RSPO2: variants seen among roughly 807,000 people sequenced by gnomAD.
RSPO2 encodes the protein R-spondin-2.
Under a neutral mutation model 30.9 loss-of-function variants are expected in RSPO2, and 14 were observed. That is an observed-to-expected ratio of 0.45 (90% confidence interval 0.30 to 0.71). The LOEUF (loss-of-function observed/expected upper bound fraction) is 0.71, where lower values mean the gene tolerates loss of function less well. RSPO2 is among the 30% of genes least tolerant of loss of function. RSPO2 has a pLI of 0.08. For synonymous variants in RSPO2, 107 were observed against 96.4 expected (o/e 1.11, Z -0.64); for missense variants, 264 against 301.9 (o/e 0.87, Z 0.93).
intron 5 of RSPO2, among the ~76,000 whole-genome samples, chr8:107,922,588 A>C (rs1269223921): frequency 6.6e-6 from 1 of 152,140 alleles, no homozygotes; most frequent in Non-Finnish European, 1.5e-5. Context: ...GAACTAGAAA[A>C]AACTATTTTA....
intron 2 of RSPO2, among the ~76,000 whole-genome samples, chr8:108,025,286 AG>A: frequency 6.6e-6 from 1 of 152,264 alleles, no homozygotes; most frequent in East Asian, 1.9e-4. Flanking sequence ...TTCCAAGGCT[AG>A]GGAAGAGAAT....
At chr8:108,039,677 G>A (rs912128131) in intron 2 of RSPO2, among the ~76,000 whole-genome samples, 3 of 152,094 alleles carry the variant, frequency 2.0e-5, no homozygotes, top group African/African-American at 7.2e-5. Flanking sequence ...ACTCTAGGCT[G>A]GCCTCAACTC....
Position 107,900,852 on chromosome 8 carries a change from G to C in RSPO2, c.*223C>G, listed in dbSNP as rs1372453517. ...ATTCTCTCAGCACACACTGAGCCAA[G>C]TCACGGGCTGTGCACTTACTCCTGC... On this transcript the variant is annotated 3_prime_UTR_variant, in exon 6 of 6. Transcript: ENST00000276659. 2.2e-6 allele frequency: 1 copy of C among 461,730 alleles called. No homozygotes were observed. Among genetic ancestry groups the C allele is most frequent in the Non-Finnish European group, 3.8e-6 (1 of 261,512 alleles). 28.6% of individuals were successfully genotyped at this position (461,730 alleles called of 1,614,324 possible).
intron 2 of RSPO2, among the ~76,000 whole-genome samples, chr8:107,991,249 AACACACACACACACACACACAC>A (rs60247229): frequency 7.5e-6 from 1 of 133,394 alleles, no homozygotes; most frequent in South Asian, 2.5e-4. Flanking sequence ...CTCCATCTCA[AACACACACACACACACACACAC>A]ACACACACAC....
chr8:107,942,761 G>T (rs986476345), intron 5 of RSPO2, among the ~76,000 whole-genome samples: 1 of 152,012 alleles, frequency 6.6e-6, no homozygotes, highest in African/African-American at 2.4e-5. Context: ...TGTTATTGTT[G>T]TTAAAAGGAA....
chr8:108,040,512 G>A (rs1047440531), intron 2 of RSPO2, among the ~76,000 whole-genome samples: 7 of 152,076 alleles, frequency 4.6e-5, no homozygotes, highest in Non-Finnish European at 1.0e-4. Flanking sequence ...GTAAATCCCC[G>A]ATGGTCTCAG....
chr8:108,025,709 A>G (rs1488356140), intron 2 of RSPO2, among the ~76,000 whole-genome samples: 5 of 151,960 alleles, frequency 3.3e-5, no homozygotes, highest in Non-Finnish European at 7.4e-5. Flanking sequence ...TTTTAAAGAA[A>G]GAGGATCTTA....
intron 2 of RSPO2, among the ~76,000 whole-genome samples, chr8:108,057,536 C>A (rs75281416): frequency 0.011 from 1,616 of 152,204 alleles, 15 homozygotes; most frequent in Non-Finnish European, 0.018. Flanking sequence ...AAGACAAACA[C>A]CTAAATGTCT....
At chr8:107,944,001 G>T (rs1451109967) in intron 5 of RSPO2, among the ~76,000 whole-genome samples, 3 of 152,020 alleles carry the variant, frequency 2.0e-5, no homozygotes, top group African/African-American at 7.2e-5. Context: ...TTATTTAGAG[G>T]TTCATTTCTT....
chr8:107,934,699 C>A (rs186745903), intron 5 of RSPO2, among the ~76,000 whole-genome samples: 1 of 152,126 alleles, frequency 6.6e-6, no homozygotes, highest in African/African-American at 2.4e-5. Context: ...AGACCCCAAA[C>A]GGAGGGACCA....
At chr8:108,058,332 C>T (rs1365676933) in intron 2 of RSPO2, among the ~76,000 whole-genome samples, 2 of 152,054 alleles carry the variant, frequency 1.3e-5, no homozygotes, top group African/African-American at 4.8e-5. Flanking sequence ...CAAACCACTG[C>T]TCAATGAAAT....
At chr8:107,901,511 A>T (rs537859264) in intron 5 of RSPO2, among the ~76,000 whole-genome samples, 1 of 152,264 alleles carries the variant, frequency 6.6e-6, no homozygotes, top group South Asian at 2.1e-4. Flanking sequence ...TAACAATGCT[A>T]CCCTTTTCTA....
intron 3 of RSPO2, among the ~76,000 whole-genome samples, chr8:107,972,726 A>C: frequency 6.6e-6 from 1 of 152,094 alleles, no homozygotes; most frequent in East Asian, 1.9e-4. Context: ...TGCCAACATC[A>C]GATATTACTC....
chr8:107,949,620 C>T (rs1198119946), intron 5 of RSPO2, among the ~76,000 whole-genome samples: 2 of 152,050 alleles, frequency 1.3e-5, no homozygotes, highest in East Asian at 3.9e-4. Flanking sequence ...TGAAATATCT[C>T]AGAAACAGAA....
intron 5 of RSPO2, among the ~76,000 whole-genome samples, chr8:107,933,722 A>G (rs1472995494): frequency 6.6e-6 from 1 of 152,184 alleles, no homozygotes; most frequent in Non-Finnish European, 1.5e-5. Context: ...AGAAGCTAAA[A>G]CTATCATTGT....
chr8:107,933,122 G>C (rs923394101), intron 5 of RSPO2, among the ~76,000 whole-genome samples: 6 of 152,068 alleles, frequency 3.9e-5, no homozygotes, highest in Admixed American at 2.0e-4. Flanking sequence ...AAGACTAACA[G>C]CCATGATGCA....
At chr8:107,963,714 A>C (rs1813707636) in intron 3 of RSPO2, among the ~76,000 whole-genome samples, 1 of 151,996 alleles carries the variant, frequency 6.6e-6, no homozygotes, top group Admixed American at 6.6e-5. Context: ...CATTTATGTA[A>C]TTAAAGTATC....
chr8:107,931,408 T>C (rs1345883698), intron 5 of RSPO2, among the ~76,000 whole-genome samples: 1 of 152,166 alleles, frequency 6.6e-6, no homozygotes, highest in African/African-American at 2.4e-5. Flanking sequence ...CCCCTTTATT[T>C]TCCTTTCCAT....
At chr8:108,045,567 A>G (rs911906017) in intron 2 of RSPO2, among the ~76,000 whole-genome samples, 44 of 152,158 alleles carry the variant, frequency 2.9e-4, no homozygotes, top group African/African-American at 1.0e-3. Flanking sequence ...TGATACATTC[A>G]GGAGTATAAA....
Sources: allele counts gnomAD v4.1 joint callset (sites outside exome capture counted in the v4.1 genomes callset), GRCh38; gene constraint gnomAD v4.1.1; transcripts MANE v1.5; gene names NCBI Gene and HGNC (gene_info 2026-07-23, HGNC 2026-07-21).